TRNT1: variants seen among roughly 807,000 people sequenced by gnomAD.
TRNT1 encodes the protein CCA tRNA nucleotidyltransferase 1, mitochondrial.
TRNT1 carries 44 observed loss-of-function variants against 45.6 expected under a neutral mutation model. That is an observed-to-expected ratio of 0.97 (90% CI 0.76 to 1.24). The LOEUF is 1.24. Among genes scored for constraint, TRNT1 ranks in the 50% most tolerant of loss-of-function variants. TRNT1 has a pLI of 0.00. For synonymous variants in TRNT1, 201 were observed against 171.4 expected, an observed-to-expected ratio of 1.17 and a Z score of -1.35; for missense variants, 633 against 504.4, an observed-to-expected ratio of 1.25 and a Z score of -2.44.
At position 3,144,710 on chromosome 3, in the gene TRNT1, G is replaced by A. The variant is rs750995691; in HGVS notation, c.608G>A (p.Arg203Lys). The A allele has an allele frequency of 2.0e-6, 3 of 1,525,704 alleles. No homozygotes were observed. The highest frequency in any genetic ancestry group is 2.7e-6 in the Non-Finnish European group (3 of 1,127,758). The allele number at this position is 1,525,704 out of a possible 1,614,324, so 94.5% of individuals were successfully genotyped here. A position where few individuals can be genotyped will look rare whatever the true frequency, so the allele number is the denominator to read the frequency against. ...EDYLRILRYF[R>K]FYGRIVDKPG... is the part of the protein sequence containing the mutation. ...TATCTTAGAATTTTAAGATACTTCA[G>A]GTAAGAATTTTTAAAAATAAAAAAT... Residue 203 changes from arginine to lysine, a missense_variant and splice_region_variant, in exon 5 of 8, where the codon AGG becomes AAG. Arg to Lys is a conservative substitution (Grantham distance 26). Coordinates refer to ENST00000251607, the MANE Select transcript of TRNT1 (RefSeq NM_182916.3).
At chr3:3,136,786 C>T in intron 2 of TRNT1, 1 of 369,962 alleles carries the variant, frequency 2.7e-6, no homozygotes, top group South Asian at 2.1e-5. Flanking sequence ...TCCCAAGTAG[C>T]TGGGACTACA....
Position 3,148,281 on chromosome 3 carries a change from G to C in TRNT1, c.*127G>C. On this transcript the variant is annotated 3_prime_UTR_variant, in exon 8 of 8. Coordinates refer to ENST00000251607, the MANE Select transcript of TRNT1 (RefSeq NM_182916.3). Reference sequence around the variant, plus strand: ...TAGGGGACCTCTGTAGAACAACAAGGGTCTTATTTTGTGAATTATATATTT... The same window carrying C: ...TAGGGGACCTCTGTAGAACAACAAGCGTCTTATTTTGTGAATTATATATTT... The C allele has an allele frequency of 1.0e-6, 1 of 973,916 alleles. No homozygotes were observed. The highest frequency in any genetic ancestry group is 1.5e-6 in the Non-Finnish European group (1 of 665,640). The allele number at this position is 973,916 out of a possible 1,614,324, so 60.3% of individuals were successfully genotyped here.
At chr3:3,141,338 T>C (rs1705639543) in intron 4 of TRNT1, among the ~76,000 whole-genome samples, 1 of 152,096 alleles carries the variant, frequency 6.6e-6, no homozygotes, top group South Asian at 2.1e-4. Context: ...TCCACACACA[T>C]CTACACACAC....
At chr3:3,133,237 A>T (rs1198043463) in intron 2 of TRNT1, among the ~76,000 whole-genome samples, 1 of 152,126 alleles carries the variant, frequency 6.6e-6, no homozygotes, top group Non-Finnish European at 1.5e-5. Flanking sequence ...CTTCAGTACA[A>T]TCATATGCTA....
downstream of TRNT1, chr3:3,150,712 T>G (rs79231110): frequency 1.4e-6 from 1 of 739,704 alleles, no homozygotes; most frequent in African/African-American, 1.8e-5. Context: ...TCAAATACAG[T>G]TTCACTTAGA....
At chr3:3,129,510 C>G in intron 2 of TRNT1, 2 of 394,540 alleles carry the variant, frequency 5.1e-6, no homozygotes, top group South Asian at 4.9e-5. Context: ...TTGTTTGAGC[C>G]CAGGAGTTTG....
downstream of TRNT1, chr3:3,153,292 A>C (rs1481662244): frequency 1.6e-6 from 1 of 633,438 alleles, no homozygotes; most frequent in African/African-American, 1.8e-5. Flanking sequence ...AAAGTGAGCT[A>C]ATTCCCTATA....
chr3:3,153,351 T>A (rs1706719276), downstream of TRNT1: 35 of 911,034 alleles, frequency 3.8e-5, no homozygotes, highest in South Asian at 4.7e-4. Context: ...GGAAAGTTTA[T>A]GGAAAACAGA....
intron 4 of TRNT1, 177 bp downstream of exon 4, chr3:3,140,825 G>C (rs1439152421): frequency 4.7e-6 from 3 of 633,864 alleles, no homozygotes; most frequent in East Asian, 3.5e-5. Flanking sequence ...GGTCACGCCT[G>C]TAATCCCAGC....
chr3:3,141,340 T>TACAC (rs138920037), intron 4 of TRNT1, among the ~76,000 whole-genome samples: 1 of 151,776 alleles, frequency 6.6e-6, no homozygotes, highest in Non-Finnish European at 1.5e-5. Flanking sequence ...CACACACATC[T>TACAC]ACACACACAC....
intron 2 of TRNT1, among the ~76,000 whole-genome samples, chr3:3,135,069 G>C (rs950522747): frequency 5.9e-5 from 9 of 152,118 alleles, no homozygotes; most frequent in Admixed American, 2.6e-4. Context: ...ATGGTACGAA[G>C]GGTAGGTTTT....
At chr3:3,135,057 G>A (rs994301058) in intron 2 of TRNT1, among the ~76,000 whole-genome samples, 6 of 152,094 alleles carry the variant, frequency 3.9e-5, no homozygotes, top group Non-Finnish European at 7.3e-5. Context: ...AGAATAGATT[G>A]CATGGTACGA....
At chr3:3,144,853 G>C in intron 5 of TRNT1, 143 bp downstream of exon 5, 1 of 691,892 alleles carries the variant, frequency 1.4e-6, no homozygotes, top group Non-Finnish European at 2.0e-6. Flanking sequence ...AGCACCCTAT[G>C]ACTTATGAGT....
intron 2 of TRNT1, chr3:3,136,885 A>G (rs543772456): frequency 4.9e-5 from 14 of 285,156 alleles, no homozygotes; most frequent in Non-Finnish European, 9.0e-5. Flanking sequence ...TCCTGGGCTC[A>G]AGTGATCTTT....
intron 3 of TRNT1, among the ~76,000 whole-genome samples, chr3:3,138,128 CCT>C (rs1378413869): frequency 6.6e-6 from 1 of 152,136 alleles, no homozygotes; most frequent in Non-Finnish European, 1.5e-5. Context: ...ATTTCCTTGG[CCT>C]CTCTTTTTTG....
chr3:3,132,731 G>GAAAAAAAAAAAAAAAAAAA (rs369384116), intron 2 of TRNT1, among the ~76,000 whole-genome samples: 1 of 88,976 alleles, frequency 1.1e-5, no homozygotes. Context: ...CCTATTGAAG[G>GAAAAAAAAAAAAAAAAAAA]AAAAAAAAAA....
At chr3:3,147,122 G>C (rs996003151) in intron 6 of TRNT1, among the ~76,000 whole-genome samples, 4 of 152,128 alleles carry the variant, frequency 2.6e-5, no homozygotes, top group African/African-American at 9.7e-5. Context: ...ATTACTGAAT[G>C]GGGGGTGGAT....
At chr3:3,147,121 T>TG (rs933368921) in intron 6 of TRNT1, among the ~76,000 whole-genome samples, 1 of 152,150 alleles carries the variant, frequency 6.6e-6, no homozygotes, top group African/African-American at 2.4e-5. Flanking sequence ...CATTACTGAA[T>TG]GGGGGGTGGA....
downstream of TRNT1, chr3:3,150,831 A>G (rs778739135): frequency 2.6e-6 from 4 of 1,545,358 alleles, no homozygotes; most frequent in South Asian, 2.3e-5. Context: ...AATATAACCA[A>G]TTTGTTAGAT....
Sources: gnomAD v4.1 joint callset for allele counts (sites outside exome capture counted in the v4.1 genomes callset) on GRCh38, gnomAD v4.1.1 for gene constraint, MANE v1.5 for transcripts, NCBI Gene and HGNC (gene_info 2026-07-23, HGNC 2026-07-21) for gene names.